The following AATF variants were observed in gnomAD, a reference collection of about 807,000 sequenced individuals.
AATF encodes the protein apoptosis antagonizing transcription factor, also known as protein AATF.
In AATF, 48 loss-of-function variants were observed where a neutral mutation model predicts 63.7. That is an observed-to-expected ratio of 0.75 (90% CI 0.60 to 0.96). The LOEUF (loss-of-function observed/expected upper bound fraction) is 0.96, where lower values mean the gene tolerates loss of function less well. Ranked by LOEUF, AATF falls within the 40% of genes least tolerant of loss-of-function variation. The pLI, the probability that AATF is intolerant of heterozygous loss-of-function variation, is 0.00. For missense variants in AATF, 639 were observed against 685.7 expected, an observed-to-expected ratio of 0.93 and a Z score of 0.76; for synonymous variants, 258 against 247.7, an observed-to-expected ratio of 1.04 and a Z score of -0.39.
At chr17:36,998,316 C>G (rs1321955805) in intron 8 of AATF, among the ~76,000 whole-genome samples, 2 of 152,172 alleles carry the variant, frequency 1.3e-5, no homozygotes, top group Non-Finnish European at 2.9e-5. Flanking sequence ...TCCAAACTCT[C>G]TTTTCACAAG....
chr17:37,033,167 G>T (rs1398874078), intron 11 of AATF, among the ~76,000 whole-genome samples: 2 of 152,150 alleles, frequency 1.3e-5, no homozygotes, highest in Admixed American at 6.6e-5. Flanking sequence ...GTACATTTGT[G>T]TCTGGCTTTG....
At chr17:36,968,669 C>T (rs531503523) in intron 4 of AATF, among the ~76,000 whole-genome samples, 14 of 151,136 alleles carry the variant, frequency 9.3e-5, no homozygotes, top group African/African-American at 2.2e-4. Context: ...TCACCTAGAC[C>T]GGAGTACAGT....
chr17:36,980,113 G>T (rs566902085), intron 4 of AATF: 1 of 151,882 alleles, frequency 6.6e-6, no homozygotes, highest in Admixed American at 6.6e-5. Context: ...ACCTTATTTT[G>T]TAAGGACAAG....
intron 8 of AATF, among the ~76,000 whole-genome samples, chr17:37,007,216 C>T (rs928458653): frequency 6.6e-6 from 1 of 152,250 alleles, no homozygotes; most frequent in East Asian, 1.9e-4. Context: ...GAAATAGGGT[C>T]TCACTCTGTC....
At chr17:36,961,392 A>T (rs2070945889) in intron 4 of AATF, among the ~76,000 whole-genome samples, 1 of 152,240 alleles carries the variant, frequency 6.6e-6, no homozygotes, top group Non-Finnish European at 1.5e-5. Context: ...TAAAAAAGAA[A>T]CAGTTAAAAT....
rs1212807271 is a variant in AATF at position 37,001,405 on chromosome 17, GAGGAAGGAAGGAAGGA to G, written c.1398+10583_1398+10598del. Among the ~76,000 whole-genome samples, 7 of 63,824 alleles carry G rather than the reference GAGGAAGGAAGGAAGGA, an allele frequency of 1.1e-4. No homozygotes were observed. The South Asian group carries it at 2.3e-3, about 21-fold the overall frequency. The allele number at this position is 63,824 out of a possible 152,430, so 41.9% of individuals were successfully genotyped here. ...AGAAAAAGGTATGGGAGGAGGGAGGGAGGAAGGAAGGAAGGAAGGAAGGAAGGAAGGAAGGAAGGAA... is the reference window on the plus strand; with the variant it reads ...AGAAAAAGGTATGGGAGGAGGGAGGGAGGAAGGAAGGAAGGAAGGAAGGAA... On this transcript the variant is annotated intron_variant, in intron 8 of 11. Coordinates refer to ENST00000619387, the MANE Select transcript of AATF (RefSeq NM_012138.4).
intron 11 of AATF, among the ~76,000 whole-genome samples, chr17:37,032,366 C>T (rs1330153218): frequency 6.6e-6 from 1 of 152,102 alleles, no homozygotes; most frequent in Non-Finnish European, 1.5e-5. Context: ...AGTGGAAGTG[C>T]CGTCAAACTG....
intron 11 of AATF, among the ~76,000 whole-genome samples, chr17:37,044,223 CT>C (rs2071669655): frequency 6.6e-6 from 1 of 152,206 alleles, no homozygotes; most frequent in Non-Finnish European, 1.5e-5. Context: ...TTCCATGTCA[CT>C]TTGTATAGAT....
chr17:37,015,739 C>G (rs1306380347), intron 8 of AATF, among the ~76,000 whole-genome samples: 1 of 152,112 alleles, frequency 6.6e-6, no homozygotes, highest in Admixed American at 6.5e-5. Context: ...AGAAAAGGCT[C>G]CTCTGCTTTC....
chr17:37,048,496 A>G (rs551330117), intron 11 of AATF, among the ~76,000 whole-genome samples: 347 of 149,582 alleles, frequency 2.3e-3, no homozygotes, highest in African/African-American at 8.1e-3. Context: ...TCAGCCTCCC[A>G]AGTACCTGGG....
chr17:36,992,008 A>G (rs2071219443), intron 8 of AATF, among the ~76,000 whole-genome samples: 3 of 152,096 alleles, frequency 2.0e-5, no homozygotes, highest in Admixed American at 1.3e-4. Flanking sequence ...TATCAAGATA[A>G]TTTTTTTCTC....
At chr17:36,992,554 TAATAA>T (rs2071223869) in intron 8 of AATF, among the ~76,000 whole-genome samples, 1 of 151,468 alleles carries the variant, frequency 6.6e-6, no homozygotes, top group African/African-American at 2.4e-5. Context: ...TAAATAGGCT[TAATAA>T]AATAAAGTGA....
chr17:36,970,608 A>G (rs1263944208), intron 4 of AATF, among the ~76,000 whole-genome samples: 1 of 149,548 alleles, frequency 6.7e-6, no homozygotes, highest in Non-Finnish European at 1.5e-5. Flanking sequence ...AGTGACGATC[A>G]TGGCTCACTG....
At chr17:36,995,843 C>T (rs1177897918) in intron 8 of AATF, among the ~76,000 whole-genome samples, 3 of 152,222 alleles carry the variant, frequency 2.0e-5, no homozygotes, top group Non-Finnish European at 4.4e-5. Context: ...GCTAAGATTA[C>T]AGGTGTGAGC....
chr17:36,963,384 T>C (rs1318969597), intron 4 of AATF, among the ~76,000 whole-genome samples: 1 of 152,214 alleles, frequency 6.6e-6, no homozygotes, highest in African/African-American at 2.4e-5. Flanking sequence ...GACAAAGTGC[T>C]GTATGGGCTA....
chr17:36,985,092 G>A (rs1021786934), intron 4 of AATF, among the ~76,000 whole-genome samples: 1 of 151,994 alleles, frequency 6.6e-6, no homozygotes, highest in African/African-American at 2.4e-5. Context: ...AGTACAGACG[G>A]GGTTTCGCCA....
intron 8 of AATF, among the ~76,000 whole-genome samples, chr17:36,991,223 AGCTGGAG>A (rs1477874813): frequency 1.3e-5 from 2 of 152,112 alleles, no homozygotes; most frequent in African/African-American, 4.8e-5. Flanking sequence ...TGGGCCGTGG[AGCTGGAG>A]GGCTGGGATC....
chr17:36,965,571 C>T (rs2070984906), intron 4 of AATF, among the ~76,000 whole-genome samples: 1 of 152,204 alleles, frequency 6.6e-6, no homozygotes, highest in South Asian at 2.1e-4. Flanking sequence ...ATTATTCAGC[C>T]TACTATGTGC....
intron 2 of AATF, among the ~76,000 whole-genome samples, chr17:36,952,175 GC>G (rs2070860474): frequency 6.6e-6 from 1 of 152,214 alleles, no homozygotes; most frequent in African/African-American, 2.4e-5. Context: ...ATGAGCTGTT[GC>G]CTTATGCTTC....
Sources: gnomAD v4.1 joint callset for allele counts (sites outside exome capture counted in the v4.1 genomes callset) on GRCh38, gnomAD v4.1.1 for gene constraint, MANE v1.5 for transcripts, NCBI Gene and HGNC (gene_info 2026-07-23, HGNC 2026-07-21) for gene names.